PRRC2C: variants seen among roughly 807,000 people sequenced by gnomAD.
PRRC2C encodes proline rich coiled-coil 2C.
In PRRC2C, 72 loss-of-function variants were observed where a neutral mutation model predicts 317.2. The observed-to-expected ratio is 0.23, with a 90% CI of 0.19 to 0.28. PRRC2C has a LOEUF of 0.28. PRRC2C is among the 10% of genes least tolerant of loss of function. The pLI, the probability that PRRC2C is intolerant of heterozygous loss-of-function variation, is 1.00. For missense variants in PRRC2C, 3,074 were observed against 3,459.7 expected, an observed-to-expected ratio of 0.89 and a Z score of 2.80; for synonymous variants, 1,296 against 1,205.9, an observed-to-expected ratio of 1.07 and a Z score of -1.55.
intron 16 of PRRC2C, 102 bp downstream of exon 16, chr1:171,542,331 CA>C: frequency 1.9e-6 from 2 of 1,044,794 alleles, no homozygotes; most frequent in South Asian, 1.8e-5. Flanking sequence ...GATAAAGGAC[CA>C]AAAAACATTG....
In PRRC2C at chr1:171,540,883, A is replaced by G. The variant is rs1677826873; in HGVS notation, c.3417A>G (p.Gln1139=). 3.7e-6 allele frequency: 6 copies of G among 1,613,540 alleles called. No individual in the cohort carries two copies. Among genetic ancestry groups the G allele is most frequent in the Non-Finnish European group, 5.1e-6 (6 of 1,179,796 alleles). Residue 1139 remains glutamine (Q), a synonymous_variant, in exon 16 of 35, where the codon CAA becomes CAG. Transcript: ENST00000647382. Reference sequence around the variant, plus strand: ...CACCAGTAGTCAAAGAAGAAAAACAACCTGAGAAAGTCATCAGCAAAGACC... The same window carrying G: ...CACCAGTAGTCAAAGAAGAAAAACAGCCTGAGAAAGTCATCAGCAAAGACC... ...MAAPVVKEEK[Q]PEKVISKDLV... is the part of the protein sequence containing the mutation.
In PRRC2C at chr1:171,589,605, GGTTA is replaced by G; in HGVS notation, c.8436+3_8436+6del. 7.8e-7 allele frequency: 1 copy of G among 1,287,812 alleles called. No homozygotes were observed. Among genetic ancestry groups the G allele is most frequent in the Non-Finnish European group, 1.0e-6 (1 of 987,136 alleles). The allele number at this position is 1,287,812 out of a possible 1,614,324, so 79.8% of individuals were successfully genotyped here. ...CGTTGAAGGCTGAACAAGACATGAA[GGTTA>G]GTACAGTGTTAACAGCCAACAGATC... On this transcript the variant is annotated splice_donor_variant and splice_donor_region_variant and intron_variant, in intron 34 of 34. Transcript: ENST00000647382. LOFTEE classifies it high-confidence loss of function.
chr1:171,559,517 T>G lies in PRRC2C; in HGVS notation c.6031+1374T>G, dbSNP rs978972033. ...AATGGCATACCAAGTTTGTTTTTTT[T>G]TTTTTTTTTTTTTTTTTTTTTTTGA... On this transcript the variant is annotated intron_variant, in intron 19 of 34. Transcript: ENST00000647382. 4.0e-5 allele frequency among the ~76,000 whole-genome samples: 5 copies of G among 126,102 alleles called. No homozygotes were observed. In the South Asian group the frequency reaches 1.4e-3, roughly 35 times the overall value. 82.7% of individuals were successfully genotyped at this position (126,102 alleles called of 152,430 possible).
At position 171,588,405 on chromosome 1, in the gene PRRC2C, A is replaced by G. The variant is rs758072443; in HGVS notation, c.8099A>G (p.Gln2700Arg). ...FRATSTSPNSQSSKMNSIVYQ... is the reference protein window; with the variant it reads ...FRATSTSPNSRSSKMNSIVYQ... ...GCTACTTCTACAAGTCCGAACAGCC[A>G]GTCCAGCAAAATGAACAGCATTGTC... The change falls in exon 33 of 35, where the codon CAG (glutamine) becomes CGG (arginine). Residue 2700 changes from glutamine to arginine, a missense_variant. Gln to Arg is a conservative substitution (Grantham distance 43). Coordinates refer to ENST00000647382, the MANE Select transcript of PRRC2C (RefSeq NM_001387844.1). 1 of 1,613,840 alleles carries G rather than the reference A, an allele frequency of 6.2e-7. No homozygotes were observed. Among genetic ancestry groups the G allele is most frequent in the Non-Finnish European group, 8.5e-7 (1 of 1,179,786 alleles).
rs762032297 is a variant in PRRC2C, at chr1:171,593,508, A to C, written c.*1661A>C. Reference sequence around the variant, plus strand: ...AAACTAATAAAGTATTCTCTAAATAATGATTCTTGGAGCTTATAATCATTT... The same window carrying C: ...AAACTAATAAAGTATTCTCTAAATACTGATTCTTGGAGCTTATAATCATTT... On this transcript the variant is annotated 3_prime_UTR_variant, in exon 35 of 35. Coordinates refer to ENST00000647382, the MANE Select transcript of PRRC2C (RefSeq NM_001387844.1). The C allele has an allele frequency of 3.3e-5, 5 of 152,102 alleles. No homozygotes were observed. The highest frequency in any genetic ancestry group is 7.4e-5 in the Non-Finnish European group (5 of 68,018). 9.4% of individuals were successfully genotyped at this position (152,102 alleles called of 1,614,324 possible).
At position 171,488,638 on chromosome 1, in the gene PRRC2C, C is replaced by T. The variant is rs150149113; in HGVS notation, c.-58+2903C>T. Among the ~76,000 whole-genome samples, 43 of 152,280 alleles carry T rather than the reference C, an allele frequency of 2.8e-4. No individual in the cohort carries two copies. In the East Asian group the frequency reaches 4.4e-3, roughly 16 times the overall value. On this transcript the variant is annotated intron_variant, in intron 1 of 34. Transcript: ENST00000647382. Reference sequence around the variant, plus strand: ...CCATTGCTCCCAGCATTGCCAGTTACATTTCTAGTCCTTATTTTCCTCCAG... The same window carrying T: ...CCATTGCTCCCAGCATTGCCAGTTATATTTCTAGTCCTTATTTTCCTCCAG...
chr1:171,485,533 A>G lies in PRRC2C; in HGVS notation c.-260A>G, dbSNP rs1253586841. ...AGTACGTAGGGGCTGGCTAGCCGCC[A>G]TCTTGCTTCTTTTTCTCGCTCGCTC... On this transcript the variant is annotated 5_prime_UTR_variant, in exon 1 of 35. Coordinates refer to ENST00000647382, the MANE Select transcript of PRRC2C (RefSeq NM_001387844.1). 1.3e-5 allele frequency: 2 copies of G among 152,608 alleles called. No homozygotes were observed. Among genetic ancestry groups the G allele is most frequent in the Non-Finnish European group, 2.9e-5 (2 of 68,054 alleles). The allele number at this position is 152,608 out of a possible 1,614,324, so 9.5% of individuals were successfully genotyped here. A position where few individuals can be genotyped will look rare whatever the true frequency, so the allele number is the denominator to read the frequency against.
chr1:171,528,087 C>A (rs148544406), intron 11 of PRRC2C, among the ~76,000 whole-genome samples: 2 of 151,890 alleles, frequency 1.3e-5, no homozygotes, highest in Non-Finnish European at 2.9e-5. Flanking sequence ...TCTCACTGCC[C>A]GTATACTTTT....
rs1676077360 is a variant in PRRC2C at position 171,532,608 on chromosome 1, G to A, written c.1520G>A (p.Arg507Lys). 2 of 1,554,486 alleles carry A rather than the reference G, an allele frequency of 1.3e-6. No homozygotes were observed. The highest frequency in any genetic ancestry group is 2.4e-5 in the South Asian group (2 of 84,208). Residue 507 changes from arginine to lysine, a missense_variant, in exon 12 of 35, where the codon AGG becomes AAG. Around this residue, in one of 11 missense-constraint regions of PRRC2C, gnomAD observed 1,320 missense variants for 1,395.7 expected, o/e 0.95. Coordinates refer to ENST00000647382, the MANE Select transcript of PRRC2C (RefSeq NM_001387844.1). ...AAACAACCATCTCCAGAGGAAATTA[G>A]GGAAAGGGAGCGAGAAAAAGAACGG... ...LEKQPSPEEI[R>K]EREREKERER...
chr1:171,587,184 C>T lies in PRRC2C; in HGVS notation c.7931C>T (p.Ala2644Val). 1 of 1,608,242 alleles carries T rather than the reference C, an allele frequency of 6.2e-7. No individual in the cohort carries two copies. Among genetic ancestry groups the T allele is most frequent in the Non-Finnish European group, 8.5e-7 (1 of 1,177,248 alleles). Residue 2644 changes from alanine to valine, a missense_variant, in exon 31 of 35, where the codon GCT becomes GTT. Ala to Val is a moderately conservative substitution (Grantham distance 64). This residue lies in a region of PRRC2C where 490 missense variants were observed against 663.1 expected (regional missense o/e 0.74). Transcript: ENST00000647382. ...CAGCCTTTCAGAGGATTAATTCCTG[C>T]TGGAACACAGCATAGCATGATTGCA... Reference protein sequence around the residue: ...VSQPFRGLIPAGTQHSMIATT... With the variant: ...VSQPFRGLIPVGTQHSMIATT...
chr1:171,584,358 C>T, intron 29 of PRRC2C, 61 bp from the exon 30 acceptor site: 1 of 1,445,734 alleles, frequency 6.9e-7, no homozygotes, highest in Non-Finnish European at 9.3e-7. Context: ...TCATAATCTC[C>T]ACCTCTGAAT....
At chr1:171,529,702 A>G (rs1413135530) in intron 11 of PRRC2C, among the ~76,000 whole-genome samples, 1 of 152,096 alleles carries the variant, frequency 6.6e-6, no homozygotes, top group African/African-American at 2.4e-5. Flanking sequence ...CTTCTGTAGT[A>G]GTTGTTGTCT....
Position 171,535,487 on chromosome 1 carries a change from G to C in PRRC2C, c.1933G>C (p.Val645Leu). 1 of 1,613,998 alleles carries C rather than the reference G, an allele frequency of 6.2e-7. No individual in the cohort carries two copies. Among genetic ancestry groups the C allele is most frequent in the Non-Finnish European group, 8.5e-7 (1 of 1,179,872 alleles). ...TCGCAGTGAAAAGGAAGCCACACCA[G>C]TGGTGCATGAAACAGAACCAGAATC... ...SNRSEKEATP[V>L]VHETEPESGS... is the part of the protein sequence containing the mutation. The change falls in exon 13 of 35, where the codon GTG becomes CTG. Residue 645 changes from valine to leucine, a missense_variant. This residue lies in a region of PRRC2C where 1,320 missense variants were observed against 1,395.7 expected (regional missense o/e 0.95). Transcript: ENST00000647382.
chr1:171,550,466 CTTTT>C (rs11299449), intron 18 of PRRC2C, among the ~76,000 whole-genome samples: 1 of 145,800 alleles, frequency 6.9e-6, no homozygotes, highest in Non-Finnish European at 1.5e-5. Flanking sequence ...CAAAGACCAT[CTTTT>C]TTTTTTTTTT....
At position 171,566,238 on chromosome 1, in the gene PRRC2C, G is replaced by A. The variant is rs768366239; in HGVS notation, c.6123G>A (p.Ala2041=). Residue 2041 remains alanine (A), a synonymous_variant, in exon 21 of 35, where the codon GCG becomes GCA. Coordinates refer to ENST00000647382, the MANE Select transcript of PRRC2C (RefSeq NM_001387844.1). ...TTAAAATATTCTTTTACTAGGGAGC[G>A]AAGAATGGTCAAGAAAGTGGACTCG... ...SFGSAPSSEG[A]KNGQESGLEI... is the part of the protein sequence containing the mutation. 1.7e-5 allele frequency: 28 copies of A among 1,608,562 alleles called. No individual in the cohort carries two copies. The highest frequency in any genetic ancestry group is 4.5e-5 in the East Asian group (2 of 44,768).
chr1:171,494,813 G>GT lies in PRRC2C; in HGVS notation c.-58+9079dup, dbSNP rs11394806. ...TCAAGAAAGAAACAGATTTCTCTTTGTAAGAGTTATTGTATCCCCTAAAAG... is the reference window on the plus strand; with the variant it reads ...TCAAGAAAGAAACAGATTTCTCTTTGTTAAGAGTTATTGTATCCCCTAAAAG... On this transcript the variant is annotated intron_variant, in intron 1 of 34. Transcript: ENST00000647382. Among the ~76,000 whole-genome samples, 1,139 of 143,888 alleles carry GT rather than the reference G, an allele frequency of 7.9e-3. 8 individuals carry two copies. Among genetic ancestry groups the GT allele is most frequent in the Non-Finnish European group, 0.013 (866 of 66,132 alleles). The allele number at this position is 143,888 out of a possible 152,430, so 94.4% of individuals were successfully genotyped here. A position where few individuals can be genotyped will look rare whatever the true frequency, so the allele number is the denominator to read the frequency against.
At position 171,593,426 on chromosome 1, in the gene PRRC2C, A is replaced by T. The variant is rs1651792681; in HGVS notation, c.*1579A>T. ...AAACTTAATTTTTTTCCATTTGTAC[A>T]GGGGTAACGCACTGTATTAAATATG... On this transcript the variant is annotated 3_prime_UTR_variant, in exon 35 of 35. Transcript: ENST00000647382. 1 of 152,070 alleles carries T rather than the reference A, an allele frequency of 6.6e-6. No homozygotes were observed. The highest frequency in any genetic ancestry group is 2.1e-4 in the South Asian group (1 of 4,828). The allele number at this position is 152,070 out of a possible 1,614,324, so 9.4% of individuals were successfully genotyped here.
chr1:171,588,606 G>T, intron 33 of PRRC2C, 101 bp downstream of exon 33: 2 of 1,263,992 alleles, frequency 1.6e-6, no homozygotes, highest in Non-Finnish European at 2.2e-6. Context: ...AAGAAGTACA[G>T]TTTTTAATAA....
chr1:171,560,984 C>G (rs764737288), intron 19 of PRRC2C, 34 bp from the exon 20 acceptor site: 7 of 1,504,968 alleles, frequency 4.7e-6, no homozygotes, highest in Middle Eastern at 1.7e-4. Flanking sequence ...GACTCTAAAT[C>G]TTAATCATGT....
Sources: gnomAD v4.1 joint callset for allele counts (sites outside exome capture counted in the v4.1 genomes callset) on GRCh38, gnomAD v4.1.1 for gene constraint, gnomAD v4.1.1 regional missense constraint, MANE v1.5 for transcripts, NCBI Gene and HGNC (gene_info 2026-07-23, HGNC 2026-07-21) for gene names.